PRKCA: variants seen among roughly 807,000 people sequenced by gnomAD.
PRKCA encodes the protein protein kinase C alpha type.
Under a neutral mutation model 87.0 loss-of-function variants are expected in PRKCA, and 27 were observed. The ratio of observed to expected loss-of-function variants is 0.31; its 90% CI spans 0.23 to 0.43. PRKCA has a LOEUF of 0.43. Ranked by LOEUF, PRKCA falls within the 20% of genes least tolerant of loss-of-function variation. The pLI is 1.00. For missense variants in PRKCA, 518 were observed against 852.3 expected, an observed-to-expected ratio of 0.61 and a Z score of 4.88; for synonymous variants, 329 against 311.1, an observed-to-expected ratio of 1.06 and a Z score of -0.61.
chr17:66,459,226 CA>C (rs1854653144), intron 2 of PRKCA, among the ~76,000 whole-genome samples: 1 of 143,126 alleles, frequency 7.0e-6, no homozygotes, highest in Non-Finnish European at 1.5e-5. Flanking sequence ...AAAAAAAATA[CA>C]AAAATTAGCT....
At chr17:66,690,827 C>CAAAAA (rs34671486) in intron 8 of PRKCA, among the ~76,000 whole-genome samples, 1 of 66,584 alleles carries the variant, frequency 1.5e-5, no homozygotes, top group Non-Finnish European at 2.8e-5. Flanking sequence ...GACTCTGTCT[C>CAAAAA]AAAAAAAAAA....
At chr17:66,778,827 A>AGAGTGAG (rs1291137455) in intron 14 of PRKCA, among the ~76,000 whole-genome samples, 1 of 147,268 alleles carries the variant, frequency 6.8e-6, no homozygotes, top group East Asian at 2.1e-4. Flanking sequence ...CCTGGGTGAG[A>AGAGTGAG]GAGTGAGACC....
intron 3 of PRKCA, among the ~76,000 whole-genome samples, chr17:66,545,124 A>T (rs1316165655): frequency 2.6e-5 from 4 of 152,150 alleles, no homozygotes; most frequent in Non-Finnish European, 5.9e-5. Context: ...TCAGTGCTGC[A>T]GGAGTTTAAT....
At chr17:66,541,702 G>C (rs879706690) in intron 3 of PRKCA, among the ~76,000 whole-genome samples, 1 of 152,202 alleles carries the variant, frequency 6.6e-6, no homozygotes, top group Non-Finnish European at 1.5e-5. Context: ...TTTTTGAGGC[G>C]ACAGGTTATG....
At chr17:66,646,513 C>T (rs1971460883) in intron 5 of PRKCA, among the ~76,000 whole-genome samples, 1 of 152,172 alleles carries the variant, frequency 6.6e-6, no homozygotes, top group Admixed American at 6.5e-5. Context: ...CAAGGGCATT[C>T]ATTTTCATTT....
At chr17:66,751,085 C>T (rs1038985180) in intron 13 of PRKCA, among the ~76,000 whole-genome samples, 1 of 152,178 alleles carries the variant, frequency 6.6e-6, no homozygotes, top group Non-Finnish European at 1.5e-5. Flanking sequence ...TTGCTTAAAT[C>T]CTGTAAAAGT....
At chr17:66,579,640 C>T (rs1450492195) in intron 3 of PRKCA, among the ~76,000 whole-genome samples, 3 of 152,110 alleles carry the variant, frequency 2.0e-5, no homozygotes, top group East Asian at 1.9e-4. Context: ...GTCTGGGTCC[C>T]GGGATCAAGC....
intron 3 of PRKCA, among the ~76,000 whole-genome samples, chr17:66,525,909 A>AATAATTTTTTATAAAAT (rs1272624481): frequency 1.3e-5 from 2 of 152,190 alleles, no homozygotes; most frequent in African/African-American, 4.8e-5. Context: ...TATTTTATAA[A>AATAATTTTTTATAAAAT]CAATATTTTA....
intron 2 of PRKCA, among the ~76,000 whole-genome samples, chr17:66,377,765 C>G (rs557047124): frequency 8.7e-6 from 1 of 114,628 alleles, no homozygotes; most frequent in East Asian, 2.6e-4. Flanking sequence ...CACTCTGTCT[C>G]CCAGGCTGCA....
rs35431248 is a variant in PRKCA, at chr17:66,374,719, C to CTTTT, written c.205+68609_205+68612dup. Among the ~76,000 whole-genome samples the CTTTT allele has an allele frequency of 9.8e-4, 113 of 115,750 alleles. 1 individual carries two copies. The highest frequency in any genetic ancestry group is 1.6e-3 in the East Asian group (6 of 3,858). 75.9% of individuals were successfully genotyped at this position (115,750 alleles called of 152,430 possible). On this transcript the variant is annotated intron_variant, in intron 2 of 16. Transcript: ENST00000413366. The stretch of plus-strand genomic sequence containing the variant: ...TAAGTGCAGGGTGCTGAGTTGCATT[C>CTTTT]TTTTTTTTTTTTTTTTTTTTCTTTC...
chr17:66,714,527 C>T (rs761609440), intron 8 of PRKCA, among the ~76,000 whole-genome samples: 4 of 152,136 alleles, frequency 2.6e-5, no homozygotes, highest in African/African-American at 9.6e-5. Flanking sequence ...GTTCCACCCC[C>T]TCGTCTCTTC....
chr17:66,402,775 G>T (rs1567810711), intron 2 of PRKCA, among the ~76,000 whole-genome samples: 1 of 152,164 alleles, frequency 6.6e-6, no homozygotes, highest in East Asian at 1.9e-4. Flanking sequence ...GGGTAAAGAA[G>T]GAATAATTCA....
chr17:66,806,316 G>C lies in PRKCA; in HGVS notation c.*2279G>C, dbSNP rs953682490. ...CAGGTGGTCCTGGCAACCCTGAGTA[G>C]AAGGAGAGACGGGGTAGGGAACGGG... is the stretch of plus-strand genomic sequence containing the variant. On this transcript the variant is annotated 3_prime_UTR_variant, in exon 17 of 17. Transcript: ENST00000413366. 1 of 152,286 alleles carries C rather than the reference G, an allele frequency of 6.6e-6. No individual in the cohort carries two copies. 9.4% of individuals were successfully genotyped at this position (152,286 alleles called of 1,614,324 possible).
At chr17:66,496,163 A>G (rs1256850922) in intron 2 of PRKCA, 38 bp from the exon 3 acceptor site, 5 of 1,488,956 alleles carry the variant, frequency 3.4e-6, no homozygotes, top group Non-Finnish European at 4.7e-6. Context: ...ATGTTAAATC[A>G]TGTCTATTCT....
At chr17:66,690,191 G>A (rs1198784958) in intron 8 of PRKCA, among the ~76,000 whole-genome samples, 3 of 152,244 alleles carry the variant, frequency 2.0e-5, no homozygotes, top group Non-Finnish European at 2.9e-5. Context: ...TTGTTAAACT[G>A]ATGTTTGGTT....
chr17:66,652,669 G>A (rs924311066), intron 5 of PRKCA, among the ~76,000 whole-genome samples: 43 of 152,294 alleles, frequency 2.8e-4, no homozygotes, highest in African/African-American at 1.0e-3. Flanking sequence ...TCACTGTACT[G>A]TTCTTTCAAC....
intron 3 of PRKCA, among the ~76,000 whole-genome samples, chr17:66,511,219 A>T (rs914147925): frequency 1.3e-5 from 2 of 152,192 alleles, no homozygotes; most frequent in Admixed American, 1.3e-4. Context: ...ATCAGTGTTT[A>T]AAACATAAGA....
At chr17:66,697,599 A>G (rs1253512064) in intron 8 of PRKCA, among the ~76,000 whole-genome samples, 1 of 152,130 alleles carries the variant, frequency 6.6e-6, no homozygotes, top group Non-Finnish European at 1.5e-5. Context: ...GCCATCCACA[A>G]CACTGCCCAA....
chr17:66,573,942 A>G (rs1969152608), intron 3 of PRKCA, among the ~76,000 whole-genome samples: 1 of 152,210 alleles, frequency 6.6e-6, no homozygotes, highest in Non-Finnish European at 1.5e-5. Context: ...CCTGGGTTTA[A>G]CACAGACCCC....
Sources: gnomAD v4.1 joint callset for allele counts (sites outside exome capture counted in the v4.1 genomes callset) on GRCh38, gnomAD v4.1.1 for gene constraint, MANE v1.5 for transcripts, NCBI Gene and HGNC (gene_info 2026-07-23, HGNC 2026-07-21) for gene names.